ROCK2: variants seen among roughly 807,000 people sequenced by gnomAD.
ROCK2 encodes Rho associated coiled-coil containing protein kinase 2.
In ROCK2, 61 loss-of-function variants were observed where a neutral mutation model predicts 195.1. The observed-to-expected ratio is 0.31, with a 90% CI of 0.25 to 0.39. ROCK2 has a LOEUF of 0.39. Among genes scored for constraint, ROCK2 ranks in the 10% least tolerant of loss-of-function variants. The pLI, the probability that ROCK2 is intolerant of heterozygous loss-of-function variation, is 1.00. For missense variants in ROCK2, 1,109 were observed against 1,637.4 expected, an observed-to-expected ratio of 0.68 and a Z score of 5.57; for synonymous variants, 504 against 545.5, an observed-to-expected ratio of 0.92 and a Z score of 1.06.
chr2:11,198,746 C>G lies in ROCK2; in HGVS notation c.2939G>C (p.Ser980Thr), dbSNP rs1663734677. 6.2e-7 allele frequency: 1 copy of G among 1,608,524 alleles called. No homozygotes were observed. Among genetic ancestry groups the G allele is most frequent in the East Asian group, 2.2e-5 (1 of 44,736 alleles). ...SLEETNRTLT[S>T]DVANLANEKE... ...CTCATTTGCAAGATTGGCAACATCA[C>G]TAGTTAGTGTCCTATTAGTTTCCTC... Residue 980 changes from serine to threonine, a missense_variant, in exon 24 of 33, where the codon AGT (serine) becomes ACT (threonine). Coordinates refer to ENST00000315872, the MANE Select transcript of ROCK2 (RefSeq NM_004850.5).
chr2:11,233,887 G>A (rs1346999438), intron 5 of ROCK2: 1 of 152,072 alleles, frequency 6.6e-6, no homozygotes. Flanking sequence ...TAAAATAAAA[G>A]CAAGATGAGG....
In ROCK2 at chr2:11,184,697, G is replaced by A. The variant is rs753778522; in HGVS notation, c.4164-1257C>T. ...TATTTCTTCAGAAATCAAAAACATC[G>A]TCATCATCATCACCACCACCATCAA... is the stretch of plus-strand genomic sequence containing the variant. On this transcript the variant is annotated intron_variant, in intron 32 of 32. Transcript: ENST00000315872. 162 of 983,008 alleles carry A rather than the reference G, an allele frequency of 1.6e-4. 1 individual carries two copies. The highest frequency in any genetic ancestry group is 1.1e-4 in the East Asian group (1 of 8,792). 60.9% of individuals were successfully genotyped at this position (983,008 alleles called of 1,614,324 possible).
chr2:11,192,051 A>C lies in ROCK2; in HGVS notation c.4163+97T>G, dbSNP rs1040110165. 3.5e-6 allele frequency: 3 copies of C among 850,870 alleles called. No individual in the cohort carries two copies. The African/African-American group carries it at 5.1e-5, about 15-fold the overall frequency. The allele number at this position is 850,870 out of a possible 1,614,324, so 52.7% of individuals were successfully genotyped here. A position where few individuals can be genotyped will look rare whatever the true frequency, so the allele number is the denominator to read the frequency against. The stretch of plus-strand genomic sequence containing the variant: ...TCCATAGTTAACTAAAATACAAAGC[A>C]AAGGAAAACTAATTAGGAAAATTTG... On this transcript the variant is annotated intron_variant, in intron 32 of 32. Coordinates refer to ENST00000315872, the MANE Select transcript of ROCK2 (RefSeq NM_004850.5). This position sits in a 1 kb window ranked among gnomAD's most constrained non-coding sequence, Gnocchi z 5.0.
Position 11,197,493 on chromosome 2 carries a change from G to C in ROCK2, c.3279+33C>G, listed in dbSNP as rs1415812558. On this transcript the variant is annotated intron_variant, in intron 26 of 32. Coordinates refer to ENST00000315872, the MANE Select transcript of ROCK2 (RefSeq NM_004850.5). This position sits in a 1 kb window ranked among gnomAD's most constrained non-coding sequence, Gnocchi z 4.9. ...AAATAATTCTACTTCTTAAAAAGAAGTCTTCAGTCTAGAGTCCAAAAAGTA... is the reference window on the plus strand; with the variant it reads ...AAATAATTCTACTTCTTAAAAAGAACTCTTCAGTCTAGAGTCCAAAAAGTA... 1.9e-6 allele frequency: 3 copies of C among 1,581,626 alleles called. No individual in the cohort carries two copies. Among genetic ancestry groups the C allele is most frequent in the African/African-American group, 2.7e-5 (2 of 73,218 alleles).
chr2:11,218,500 A>G, intron 10 of ROCK2, 34 bp from the exon 11 acceptor site: 3 of 1,413,414 alleles, frequency 2.1e-6, no homozygotes, highest in Non-Finnish European at 2.9e-6. Flanking sequence ...ACATTAAAAT[A>G]CTAAAATGAT....
Position 11,182,820 on chromosome 2 carries a change from G to C in ROCK2, c.*617C>G, listed in dbSNP as rs558886596. On this transcript the variant is annotated 3_prime_UTR_variant, in exon 33 of 33. Coordinates refer to ENST00000315872, the MANE Select transcript of ROCK2 (RefSeq NM_004850.5). Reference sequence around the variant, plus strand: ...CAACTTCCATCAGGTACACAGGAATGAGTGATATAAACTCCAACATTATGG... The same window carrying C: ...CAACTTCCATCAGGTACACAGGAATCAGTGATATAAACTCCAACATTATGG... The C allele has an allele frequency of 4.8e-4, 74 of 152,664 alleles. No homozygotes were observed. Among genetic ancestry groups the C allele is most frequent in the African/African-American group, 1.6e-3 (67 of 41,550 alleles). 9.5% of individuals were successfully genotyped at this position (152,664 alleles called of 1,614,324 possible).
At chr2:11,256,855 G>C (rs888215723) in intron 3 of ROCK2, among the ~76,000 whole-genome samples, 2 of 151,346 alleles carry the variant, frequency 1.3e-5, no homozygotes, top group Non-Finnish European at 1.5e-5. Flanking sequence ...GACTAAGAAA[G>C]AAACGGACAA....
At chr2:11,275,388 G>A (rs1297916645) in intron 3 of ROCK2, among the ~76,000 whole-genome samples, 1 of 152,028 alleles carries the variant, frequency 6.6e-6, no homozygotes, top group East Asian at 1.9e-4. Flanking sequence ...GGTTGACTGC[G>A]GGCAACTGAA....
intron 23 of ROCK2, 91 bp from the exon 24 acceptor site, chr2:11,198,865 G>A (rs752577756): frequency 1.5e-6 from 1 of 649,440 alleles, no homozygotes; most frequent in Non-Finnish European, 2.5e-6. Context: ...CTAGAATATT[G>A]TTAAACCTCT....
intron 1 of ROCK2, among the ~76,000 whole-genome samples, chr2:11,290,869 T>C (rs1380724499): frequency 6.6e-6 from 1 of 152,176 alleles, no homozygotes; most frequent in Non-Finnish European, 1.5e-5. Flanking sequence ...AAGTTTCATA[T>C]GAATCTGCAT....
At chr2:11,328,090 C>G (rs1668602010) in intron 1 of ROCK2, among the ~76,000 whole-genome samples, 1 of 152,124 alleles carries the variant, frequency 6.6e-6, no homozygotes, top group Non-Finnish European at 1.5e-5. Context: ...TTCCACATCT[C>G]TGATATGAAA....
At chr2:11,345,228 A>G (rs1669268617), upstream of ROCK2, among the ~76,000 whole-genome samples, 2 of 152,188 alleles carry the variant, frequency 1.3e-5, no homozygotes, top group Admixed American at 1.3e-4. Context: ...CTGGGGCAGG[A>G]GGGCCTGGGA....
intron 1 of ROCK2, among the ~76,000 whole-genome samples, chr2:11,317,600 ATATATATATATATTTTT>A (rs1314651410): frequency 6.0e-5 from 1 of 16,594 alleles, no homozygotes; most frequent in African/African-American, 1.8e-4. Flanking sequence ...ATATATATAT[ATATATATATATATTTTT>A]TTTTTTTTTT....
intron 3 of ROCK2, among the ~76,000 whole-genome samples, chr2:11,254,613 G>A (rs1198852748): frequency 6.6e-6 from 1 of 151,402 alleles, no homozygotes; most frequent in African/African-American, 2.4e-5. Context: ...AAGTAGAGAA[G>A]GGCAGGTGTG....
At chr2:11,307,994 G>C (rs1296231119) in intron 1 of ROCK2, 2 of 1,506,474 alleles carry the variant, frequency 1.3e-6, no homozygotes, top group Non-Finnish European at 1.8e-6. Flanking sequence ...TGCTGGGGTA[G>C]GGGCAGGAGG....
At chr2:11,242,798 C>T (rs776594221) in intron 4 of ROCK2, among the ~76,000 whole-genome samples, 5 of 152,126 alleles carry the variant, frequency 3.3e-5, no homozygotes, top group Non-Finnish European at 5.9e-5. Context: ...TTTCTCACTG[C>T]GCCTGCACAC....
chr2:11,276,096 C>T (rs1666817301), intron 3 of ROCK2, among the ~76,000 whole-genome samples: 1 of 152,172 alleles, frequency 6.6e-6, no homozygotes, highest in African/African-American at 2.4e-5. Flanking sequence ...GTGAAACACC[C>T]ACGTGAATAT....
chr2:11,311,319 T>C (rs12994807), intron 1 of ROCK2, among the ~76,000 whole-genome samples: 111,623 of 151,906 alleles, frequency 0.73, 42,763 homozygotes, highest in East Asian at 0.94. Context: ...ATCCTTGAGG[T>C]GGCAGGGTGG....
chr2:11,190,369 A>T (rs200804276), intron 32 of ROCK2, among the ~76,000 whole-genome samples: 8,190 of 66,508 alleles, frequency 0.12, 426 homozygotes, highest in Non-Finnish European at 0.21. Context: ...AGTTTTTTAA[A>T]AAAAAAAAAA....
Sources: gnomAD v4.1 joint callset for allele counts (sites outside exome capture counted in the v4.1 genomes callset) on GRCh38, gnomAD v4.1.1 for gene constraint, Gnocchi (gnomAD v3.1) non-coding constraint, MANE v1.5 for transcripts, NCBI Gene and HGNC (gene_info 2026-07-23, HGNC 2026-07-21) for gene names.